Variants in BCAS3 observed in about 807,000 individuals in gnomAD.
BCAS3 encodes the protein BCAS4/BCAS3 fusion.
Under a neutral mutation model 116.1 loss-of-function variants are expected in BCAS3, and 53 were observed. The ratio of observed to expected loss-of-function variants is 0.46; its 90% confidence interval spans 0.37 to 0.57. The LOEUF is 0.57. Among genes scored for constraint, BCAS3 ranks in the 20% least tolerant of loss-of-function variants. BCAS3 has a pLI of 0.00. For missense variants in BCAS3, 917 were observed against 1,165.4 expected, an observed-to-expected ratio of 0.79 and a Z score of 3.10; for synonymous variants, 391 against 408.2, an observed-to-expected ratio of 0.96 and a Z score of 0.51.
chr17:60,834,889 A>G (rs1202296421), intron 7 of BCAS3, among the ~76,000 whole-genome samples: 3 of 151,982 alleles, frequency 2.0e-5, no homozygotes, highest in Non-Finnish European at 4.4e-5. Flanking sequence ...CCAACTTATA[A>G]ATTTTCCCTA....
intron 5 of BCAS3, among the ~76,000 whole-genome samples, chr17:60,745,288 TAGC>T (rs1450930689): frequency 6.6e-6 from 1 of 151,864 alleles, no homozygotes; most frequent in Non-Finnish European, 1.5e-5. Flanking sequence ...TTAATAGAAA[TAGC>T]AGGTATATTG....
intron 23 of BCAS3, among the ~76,000 whole-genome samples, chr17:61,372,409 G>A (rs979071822): frequency 1.3e-5 from 2 of 152,146 alleles, no homozygotes; most frequent in East Asian, 1.9e-4. Flanking sequence ...CTCTGCTTCC[G>A]TGTCTCCAAT....
rs2078816872 is a variant in BCAS3 at position 61,171,111 on chromosome 17, C to G, written c.2425+86547C>G. On this transcript the variant is annotated intron_variant, in intron 22 of 23. Transcript: ENST00000407086. This position sits in a 1 kb window ranked among gnomAD's most constrained non-coding sequence, Gnocchi z 4.1. Reference sequence around the variant, plus strand: ...GTAGCCTTCCTTGCTTAAAAAAAAGCAAGACCCACGGCACCTCCTAATTAA... The same window carrying G: ...GTAGCCTTCCTTGCTTAAAAAAAAGGAAGACCCACGGCACCTCCTAATTAA... Among the ~76,000 whole-genome samples the G allele has an allele frequency of 6.6e-6, 1 of 152,050 alleles. No individual in the cohort carries two copies. The highest frequency in any genetic ancestry group is 2.4e-5 in the African/African-American group (1 of 41,384).
At chr17:60,891,804 T>C (rs1333597771) in intron 10 of BCAS3, 4 of 452,858 alleles carry the variant, frequency 8.8e-6, no homozygotes, top group African/African-American at 6.0e-5. Context: ...CAGCTGCCTC[T>C]TCCCTCCCCC....
chr17:61,150,497 G>A (rs907802149), intron 22 of BCAS3, among the ~76,000 whole-genome samples: 9 of 152,170 alleles, frequency 5.9e-5, no homozygotes, highest in Non-Finnish European at 1.0e-4. Context: ...GGGAACAATC[G>A]TACAAGATGT....
intron 19 of BCAS3, among the ~76,000 whole-genome samples, chr17:61,067,751 A>ATATATC (rs2070877047): frequency 2.0e-5 from 3 of 149,364 alleles, no homozygotes; most frequent in African/African-American, 7.4e-5. Flanking sequence ...ATATATATAT[A>ATATATC]TATATAGAAA....
intron 22 of BCAS3, among the ~76,000 whole-genome samples, chr17:61,340,669 G>A (rs1201064611): frequency 6.6e-6 from 1 of 152,158 alleles, no homozygotes; most frequent in South Asian, 2.1e-4. Context: ...CAAGGTTGTG[G>A]TTTCACCAGG....
chr17:60,773,156 A>G (rs1210848702), intron 6 of BCAS3, among the ~76,000 whole-genome samples: 1 of 152,156 alleles, frequency 6.6e-6, no homozygotes, highest in East Asian at 1.9e-4. Flanking sequence ...TGACTATTCT[A>G]ATAGCTGTGC....
chr17:61,090,832 A>G (rs187606529), intron 22 of BCAS3, among the ~76,000 whole-genome samples: 29 of 151,956 alleles, frequency 1.9e-4, no homozygotes, highest in Non-Finnish European at 3.4e-4. Flanking sequence ...TAACTTTTGT[A>G]TTTTAGTAGA....
rs145780449 is a variant in BCAS3 at position 61,244,560 on chromosome 17, A to G, written c.2426-123767A>G. Reference sequence around the variant, plus strand: ...ATCTCACATACTTTATTCAGTCTATATTTTTAAAAATTGGATATATAGGCC... The same window carrying G: ...ATCTCACATACTTTATTCAGTCTATGTTTTTAAAAATTGGATATATAGGCC... On this transcript the variant is annotated intron_variant, in intron 22 of 23. Coordinates refer to ENST00000407086, the MANE Select transcript of BCAS3 (RefSeq NM_017679.5). The surrounding 1 kb of genome is among the most constrained non-coding windows in gnomAD (Gnocchi z 4.9). Among the ~76,000 whole-genome samples, 1 of 152,312 alleles carries G rather than the reference A, an allele frequency of 6.6e-6. No homozygotes were observed. The highest frequency in any genetic ancestry group is 2.4e-5 in the African/African-American group (1 of 41,568).
intron 7 of BCAS3, among the ~76,000 whole-genome samples, chr17:60,865,337 A>G (rs1194015828): frequency 1.3e-5 from 2 of 152,182 alleles, no homozygotes; most frequent in African/African-American, 4.8e-5. Flanking sequence ...GCCTGGTAGG[A>G]TTTTGATTGT....
rs1428019764 is a variant in BCAS3, at chr17:60,727,207, C to T, written c.321+17882C>T. 1.2e-5 allele frequency: 11 copies of T among 924,936 alleles called. 1 individual carries two copies. The highest frequency in any genetic ancestry group is 5.3e-5 in the Admixed American group (3 of 56,150). 57.3% of individuals were successfully genotyped at this position (924,936 alleles called of 1,614,324 possible). ...GGCCCTTTCTCTTCTTATCTCCTCC[C>T]GGTTCAAAATGCTTACATCTCTGAA... On this transcript the variant is annotated intron_variant, in intron 5 of 23. Transcript: ENST00000407086.
chr17:60,887,707 A>G (rs968357561), intron 9 of BCAS3, among the ~76,000 whole-genome samples: 26 of 152,170 alleles, frequency 1.7e-4, no homozygotes, highest in African/African-American at 5.3e-4. Context: ...CAGACTTTTT[A>G]TTTGTCCTTG....
rs5821301 is a variant in BCAS3, at chr17:61,145,861, A to AT, written c.2425+61306dup. Among the ~76,000 whole-genome samples, 140,276 of 150,560 alleles carry AT rather than the reference A, an allele frequency of 0.93. 66,110 individuals are homozygous for AT. The highest frequency in any genetic ancestry group is 1 in the East Asian group (5,069 of 5,072). Reference sequence around the variant, plus strand: ...GAACTTCATGTACAAGACATATTTCATTTTTTTTTCTTCCCTCACAAATTT... The same window carrying AT: ...GAACTTCATGTACAAGACATATTTCATTTTTTTTTTCTTCCCTCACAAATTT... On this transcript the variant is annotated intron_variant, in intron 22 of 23. Transcript: ENST00000407086. This position sits in a 1 kb window ranked among gnomAD's most constrained non-coding sequence, Gnocchi z 5.0.
intron 22 of BCAS3, among the ~76,000 whole-genome samples, chr17:61,160,796 C>T (rs72832563): frequency 0.026 from 3,947 of 152,244 alleles, 83 homozygotes; most frequent in Non-Finnish European, 0.038. Context: ...CTACTTGTGG[C>T]AGCTTTCCTC....
rs1409472764 is a variant in BCAS3 at position 61,161,325 on chromosome 17, A to C, written c.2425+76761A>C. 6.6e-6 allele frequency among the ~76,000 whole-genome samples: 1 copy of C among 152,194 alleles called. No individual in the cohort carries two copies. Among genetic ancestry groups the C allele is most frequent in the African/African-American group, 2.4e-5 (1 of 41,446 alleles). On this transcript the variant is annotated intron_variant, in intron 22 of 23. Coordinates refer to ENST00000407086, the MANE Select transcript of BCAS3 (RefSeq NM_017679.5). The surrounding 1 kb of genome is among the most constrained non-coding windows in gnomAD (Gnocchi z 4.8). ...AAGTGTTAAATATTTCTTATCAAAT[A>C]TTGTTAAAGAGGTATTCTGGTTACA...
At chr17:61,046,706 G>C (rs917505277) in intron 19 of BCAS3, among the ~76,000 whole-genome samples, 1 of 151,606 alleles carries the variant, frequency 6.6e-6, no homozygotes, top group African/African-American at 2.4e-5. Context: ...CCATAGATGC[G>C]GAACCAGGGA....
chr17:61,331,271 A>G (rs1259103023), intron 22 of BCAS3, among the ~76,000 whole-genome samples: 2 of 152,086 alleles, frequency 1.3e-5, no homozygotes, highest in Non-Finnish European at 2.9e-5. Context: ...GCTGATCTTC[A>G]GAGTTTTTCC....
chr17:60,865,746 AATTT>A (rs1233632137), intron 7 of BCAS3, among the ~76,000 whole-genome samples: 1 of 152,106 alleles, frequency 6.6e-6, no homozygotes, highest in Non-Finnish European at 1.5e-5. Context: ...GGATGCTTTA[AATTT>A]ATTTATCTGT....
Sources: allele counts gnomAD v4.1 joint callset (sites outside exome capture counted in the v4.1 genomes callset), GRCh38; gene constraint gnomAD v4.1.1; non-coding constraint Gnocchi (gnomAD v3.1); transcripts MANE v1.5; gene names NCBI Gene and HGNC (gene_info 2026-07-23, HGNC 2026-07-21).